The following CNTN5 variants were observed in gnomAD, a reference collection of about 807,000 sequenced individuals.
The protein encoded by CNTN5 is contactin 5.
Under a neutral mutation model 129.1 loss-of-function variants are expected in CNTN5, and 77 were observed. That is an observed-to-expected ratio of 0.60 (90% CI 0.50 to 0.72). The LOEUF is 0.72. Among genes scored for constraint, CNTN5 ranks in the 30% least tolerant of loss-of-function variants. The probability of loss-of-function intolerance (pLI) is 0.00; values close to 1 mark genes in which losing one functional copy is unlikely to be tolerated. For synonymous variants in CNTN5, 509 were observed against 465.6 expected, an observed-to-expected ratio of 1.09 and a Z score of -1.20; for missense variants, 1,478 against 1,328.8, an observed-to-expected ratio of 1.11 and a Z score of -1.75.
intron 21 of CNTN5, among the ~76,000 whole-genome samples, chr11:100,315,841 G>A (rs972165420): frequency 6.6e-6 from 1 of 152,134 alleles, no homozygotes; most frequent in African/African-American, 2.4e-5. Context: ...TATGGTAGCA[G>A]GGACTAAATG....
chr11:100,350,717 G>C lies in CNTN5; in HGVS notation c.3046G>C (p.Glu1016Gln). 1 of 1,604,996 alleles carries C rather than the reference G, an allele frequency of 6.2e-7. No individual in the cohort carries two copies. Among genetic ancestry groups the C allele is most frequent in the Non-Finnish European group, 8.5e-7 (1 of 1,174,902 alleles). Residue 1016 changes from glutamate to glutamine, a missense_variant, in exon 24 of 25, where the codon GAG (glutamate) becomes CAG (glutamine). Coordinates refer to ENST00000524871, the MANE Select transcript of CNTN5 (RefSeq NM_014361.4). ...VVGYKVFYRQ[E>Q]GHSNSQVIET... ...TTACTCTCAGGTTTTTTATAGGCAA[G>C]AGGGTCACAGCAACAGCCAAGTTAT...
At chr11:99,436,028 T>C (rs1943586476) in intron 2 of CNTN5, among the ~76,000 whole-genome samples, 1 of 152,212 alleles carries the variant, frequency 6.6e-6, no homozygotes, top group Non-Finnish European at 1.5e-5. Flanking sequence ...AAGGTTGAAA[T>C]GTTCTCTAAG....
intron 8 of CNTN5, among the ~76,000 whole-genome samples, chr11:99,987,532 T>TAC (rs887489979): frequency 3.8e-4 from 57 of 149,586 alleles, no homozygotes; most frequent in South Asian, 1.7e-3. Context: ...TGAATATATA[T>TAC]ATATATATAT....
rs563338805 is a variant in CNTN5 at position 99,193,450 on chromosome 11, A to T, written c.-209-131896A>T. ...CAAGGACCCTGGCCTTATGTGCAGC[A>T]GATAGGCACAGTTGTCTTGTTGATA... On this transcript the variant is annotated intron_variant, in intron 1 of 24. Coordinates refer to ENST00000524871, the MANE Select transcript of CNTN5 (RefSeq NM_014361.4). Among the ~76,000 whole-genome samples, 4 of 152,256 alleles carry T rather than the reference A, an allele frequency of 2.6e-5. No individual in the cohort carries two copies. In the South Asian group the frequency reaches 6.2e-4, roughly 24 times the overall value.
At chr11:100,276,267 C>T (rs549603250) in intron 18 of CNTN5, among the ~76,000 whole-genome samples, 9 of 152,066 alleles carry the variant, frequency 5.9e-5, no homozygotes, top group Non-Finnish European at 7.4e-5. Context: ...CGGTCAGGCA[C>T]GGTGGCTCAT....
At chr11:99,062,966 AAAAG>A (rs1864949198) in intron 1 of CNTN5, among the ~76,000 whole-genome samples, 2 of 152,132 alleles carry the variant, frequency 1.3e-5, no homozygotes, top group African/African-American at 4.8e-5. Context: ...CTGATGAAAT[AAAAG>A]AAAGAAAAGA....
intron 8 of CNTN5, among the ~76,000 whole-genome samples, chr11:99,999,606 T>A (rs1365416650): frequency 6.6e-6 from 1 of 152,206 alleles, no homozygotes; most frequent in Non-Finnish European, 1.5e-5. Context: ...TGGCGATTCC[T>A]CAGGGATCCA....
At chr11:100,091,062 T>C (rs954572827) in intron 13 of CNTN5, among the ~76,000 whole-genome samples, 2 of 152,176 alleles carry the variant, frequency 1.3e-5, no homozygotes, top group African/African-American at 4.8e-5. Context: ...CACATGAGAC[T>C]CTGCATGAGC....
At chr11:100,026,916 A>T (rs964248999) in intron 9 of CNTN5, among the ~76,000 whole-genome samples, 2 of 151,980 alleles carry the variant, frequency 1.3e-5, no homozygotes, top group Admixed American at 1.3e-4. Context: ...TTCATGGATT[A>T]TGCCTTTGAT....
At chr11:99,627,462 G>A (rs1313087595) in intron 3 of CNTN5, among the ~76,000 whole-genome samples, 1 of 151,720 alleles carries the variant, frequency 6.6e-6, no homozygotes, top group Admixed American at 6.6e-5. Flanking sequence ...TTTAATGTGA[G>A]AAAAAACTAC....
intron 1 of CNTN5, among the ~76,000 whole-genome samples, chr11:99,111,062 T>G (rs1857771628): frequency 6.6e-6 from 1 of 152,162 alleles, no homozygotes; most frequent in Non-Finnish European, 1.5e-5. Context: ...TGAATGAAAT[T>G]TAAAATTGTG....
At chr11:100,101,947 C>T (rs946471288) in intron 13 of CNTN5, among the ~76,000 whole-genome samples, 1 of 152,176 alleles carries the variant, frequency 6.6e-6, no homozygotes, top group South Asian at 2.1e-4. Flanking sequence ...GTGGTGTAAA[C>T]CTACCATATT....
At chr11:99,408,455 A>AG (rs1491126827) in intron 2 of CNTN5, among the ~76,000 whole-genome samples, 50 of 125,568 alleles carry the variant, frequency 4.0e-4, no homozygotes, top group Non-Finnish European at 6.9e-4. Flanking sequence ...AAAGAGAAAG[A>AG]AAGAAAGAAA....
At chr11:99,418,161 T>C (rs1471809489) in intron 2 of CNTN5, among the ~76,000 whole-genome samples, 4 of 152,026 alleles carry the variant, frequency 2.6e-5, no homozygotes, top group Admixed American at 6.6e-5. Context: ...GTAACTTCAA[T>C]CAAAATAGTA....
intron 18 of CNTN5, among the ~76,000 whole-genome samples, chr11:100,283,643 A>T (rs1046564947): frequency 5.3e-5 from 8 of 152,082 alleles, no homozygotes; most frequent in Non-Finnish European, 1.0e-4. Context: ...CTGGCTAGGG[A>T]TGGTTTAAAT....
chr11:99,412,971 C>T (rs1055451345), intron 2 of CNTN5, among the ~76,000 whole-genome samples: 1 of 152,128 alleles, frequency 6.6e-6, no homozygotes, highest in Non-Finnish European at 1.5e-5. Context: ...ACAAATTGCA[C>T]ATTTGACTTT....
chr11:99,859,443 G>A (rs1009827483), intron 6 of CNTN5, among the ~76,000 whole-genome samples: 1 of 152,056 alleles, frequency 6.6e-6, no homozygotes, highest in African/African-American at 2.4e-5. Context: ...TTTGGGTTAC[G>A]GGTGGTCCCA....
intron 2 of CNTN5, among the ~76,000 whole-genome samples, chr11:99,411,860 A>C (rs1486640798): frequency 2.6e-5 from 4 of 152,226 alleles, no homozygotes; most frequent in Non-Finnish European, 1.5e-5. Context: ...TTGATTGGTA[A>C]AACAACCTGT....
chr11:99,760,831 A>G (rs1944554409), intron 3 of CNTN5, among the ~76,000 whole-genome samples: 1 of 151,800 alleles, frequency 6.6e-6, no homozygotes, highest in Admixed American at 6.6e-5. Context: ...ACTATTTATT[A>G]CACACACACA....
Sources: allele counts gnomAD v4.1 joint callset (sites outside exome capture counted in the v4.1 genomes callset), GRCh38; gene constraint gnomAD v4.1.1; transcripts MANE v1.5; gene names NCBI Gene and HGNC (gene_info 2026-07-23, HGNC 2026-07-21).